Variants in TUSC3 observed in about 807,000 individuals in gnomAD.
The protein encoded by TUSC3 is tumor suppressor candidate 3, also known as dolichyl-diphosphooligosaccharide--protein glycosyltransferase subunit TUSC3.
TUSC3 carries 45 observed loss-of-function variants against 44.8 expected under a neutral mutation model. The observed-to-expected ratio is 1.00, with a 90% CI of 0.79 to 1.29. The LOEUF (loss-of-function observed/expected upper bound fraction) is 1.29, where lower values mean the gene tolerates loss of function less well. Among genes scored for constraint, TUSC3 ranks in the 50% most tolerant of loss-of-function variants. TUSC3 has a pLI of 0.00. For missense variants in TUSC3, 519 were observed against 437.9 expected (o/e 1.19, Z -1.65); for synonymous variants, 212 against 152.9 (o/e 1.39, Z -2.85).
the TUSC3 span, among the ~76,000 whole-genome samples, chr8:15,776,844 T>C: frequency 6.6e-6 from 1 of 152,134 alleles, no homozygotes; most frequent in African/African-American, 2.4e-5. Context: ...AGATTAGCCC[T>C]TTTACTGTTA....
the TUSC3 span, among the ~76,000 whole-genome samples, chr8:15,837,626 G>T: frequency 6.6e-6 from 1 of 152,026 alleles, no homozygotes; most frequent in Non-Finnish European, 1.5e-5. Flanking sequence ...TCTGCCAGCC[G>T]AACTCACATT....
chr8:15,621,549 A>T (rs762675780), intron 1 of TUSC3, among the ~76,000 whole-genome samples: 1 of 147,896 alleles, frequency 6.8e-6, no homozygotes, highest in Non-Finnish European at 1.5e-5. Context: ...GTATATTTCC[A>T]AAGTTATATA....
At chr8:15,638,497 CT>C (rs1202162302) in intron 2 of TUSC3, among the ~76,000 whole-genome samples, 3 of 135,562 alleles carry the variant, frequency 2.2e-5, no homozygotes, top group Non-Finnish European at 4.7e-5. Flanking sequence ...TGAAGACAAA[CT>C]TTTTTTTTCT....
chr8:15,505,759 T>C (rs2129127602), intron 2 of TUSC3, among the ~76,000 whole-genome samples: 1 of 152,286 alleles, frequency 6.6e-6, no homozygotes. Context: ...GTATTTTTTT[T>C]CTGTTTTTTT....
the TUSC3 span, among the ~76,000 whole-genome samples, chr8:15,814,442 T>C: frequency 1.3e-5 from 2 of 152,320 alleles, no homozygotes; most frequent in East Asian, 1.9e-4. Flanking sequence ...GATGTAAACA[T>C]AGATGCCTGA....
At chr8:15,823,080 C>G in the TUSC3 span, among the ~76,000 whole-genome samples, 2 of 152,078 alleles carry the variant, frequency 1.3e-5, no homozygotes, top group Admixed American at 6.5e-5. Flanking sequence ...TCCTGTTTGC[C>G]TTAAAGTTAA....
chr8:15,656,757 A>G (rs1342561912), intron 3 of TUSC3, among the ~76,000 whole-genome samples: 1 of 152,184 alleles, frequency 6.6e-6, no homozygotes, highest in African/African-American at 2.4e-5. Flanking sequence ...ATTCTTTACA[A>G]TGGCTCTGCC....
intron 1 of TUSC3, among the ~76,000 whole-genome samples, chr8:15,565,733 C>G (rs1341075461): frequency 6.6e-6 from 1 of 151,962 alleles, no homozygotes; most frequent in Admixed American, 6.6e-5. Flanking sequence ...TGACTGAAGT[C>G]TGATACAAAG....
upstream of TUSC3, among the ~76,000 whole-genome samples, chr8:15,537,194 T>G (rs528048386): frequency 3.3e-5 from 5 of 152,110 alleles, no homozygotes; most frequent in African/African-American, 4.8e-5. Flanking sequence ...AAACTTGGTC[T>G]CCATAATCCT....
At chr8:15,719,120 C>T (rs1266241401) in intron 6 of TUSC3, among the ~76,000 whole-genome samples, 4 of 152,042 alleles carry the variant, frequency 2.6e-5, no homozygotes, top group Admixed American at 6.6e-5. Flanking sequence ...TCGTTATAGT[C>T]TGTTCTTGAC....
Position 15,540,382 on chromosome 8 carries a change from G to A in TUSC3, c.-49G>A. On this transcript the variant is annotated 5_prime_UTR_variant, in exon 1 of 11. Coordinates refer to ENST00000503731, the MANE Select transcript of TUSC3 (RefSeq NM_006765.4). ...CGGGCAGGCGTGGTGCGCGGTAGGA[G>A]CTGGGCGCGCACGGCTACCGCGCGT... The A allele has an allele frequency of 6.6e-7, 1 of 1,504,494 alleles. No homozygotes were observed. The highest frequency in any genetic ancestry group is 8.9e-7 in the Non-Finnish European group (1 of 1,125,024). 93.2% of individuals were successfully genotyped at this position (1,504,494 alleles called of 1,614,324 possible). A position where few individuals can be genotyped will look rare whatever the true frequency, so the allele number is the denominator to read the frequency against.
intron 2 of TUSC3, among the ~76,000 whole-genome samples, chr8:15,520,206 A>G (rs1458077646): frequency 6.6e-6 from 1 of 152,202 alleles, no homozygotes; most frequent in East Asian, 1.9e-4. Flanking sequence ...GAGAAAGAGG[A>G]AAAAAGAGTG....
chr8:15,605,444 G>T (rs1804480340), intron 1 of TUSC3, among the ~76,000 whole-genome samples: 1 of 151,912 alleles, frequency 6.6e-6, no homozygotes. Context: ...GTAGAAGGAA[G>T]CCATTATTGA....
chr8:15,461,508 A>G (rs1388300548), intron 1 of TUSC3, among the ~76,000 whole-genome samples: 3 of 152,068 alleles, frequency 2.0e-5, no homozygotes, highest in Admixed American at 6.6e-5. Flanking sequence ...CTCTTAAACA[A>G]TTTGGATGCC....
the TUSC3 span, among the ~76,000 whole-genome samples, chr8:15,785,390 T>C: frequency 6.6e-6 from 1 of 152,060 alleles, no homozygotes; most frequent in Admixed American, 6.5e-5. Flanking sequence ...AGCCTAGATA[T>C]CTTTAAAATA....
At chr8:15,488,743 GCAGACT>G (rs1800767770) in intron 2 of TUSC3, among the ~76,000 whole-genome samples, 1 of 152,160 alleles carries the variant, frequency 6.6e-6, no homozygotes, top group African/African-American at 2.4e-5. Flanking sequence ...GCAAGAAAGT[GCAGACT>G]GTAAGCCAGG....
intron 7 of TUSC3, among the ~76,000 whole-genome samples, chr8:15,735,511 T>G (rs970128556): frequency 6.6e-6 from 1 of 152,184 alleles, no homozygotes; most frequent in Non-Finnish European, 1.5e-5. Context: ...AGCCAATCAG[T>G]TGAAGAGTCA....
chr8:15,638,948 T>TTGGACTTTCTGTGTG (rs1476819253), intron 2 of TUSC3, among the ~76,000 whole-genome samples: 4 of 151,148 alleles, frequency 2.6e-5, no homozygotes, highest in South Asian at 2.1e-4. Context: ...GTTCAGAGCT[T>TTGGACTTTCTGTGTG]CAGTGATGAT....
intron 6 of TUSC3, among the ~76,000 whole-genome samples, chr8:15,723,057 T>C (rs977585528): frequency 2.0e-5 from 3 of 152,148 alleles, no homozygotes; most frequent in African/African-American, 7.2e-5. Context: ...AATCTGTTTT[T>C]TAAACAAATA....
Sources: gnomAD v4.1 joint callset for allele counts (sites outside exome capture counted in the v4.1 genomes callset) on GRCh38, gnomAD v4.1.1 for gene constraint, MANE v1.5 for transcripts, NCBI Gene and HGNC (gene_info 2026-07-23, HGNC 2026-07-21) for gene names.